Variants in CNTNAP2 observed in about 807,000 individuals in gnomAD.
CNTNAP2 encodes the protein contactin associated protein 2, also known as contactin-associated protein-like 2.
In CNTNAP2, 98 loss-of-function variants were observed where a neutral mutation model predicts 155.2. The observed-to-expected ratio is 0.63, with a 90% CI of 0.54 to 0.75. The LOEUF is 0.75. CNTNAP2 is among the 30% of genes least tolerant of loss of function. The pLI, the probability that CNTNAP2 is intolerant of heterozygous loss-of-function variation, is 0.00. For missense variants in CNTNAP2, 1,727 were observed against 1,688.1 expected (o/e 1.02, Z -0.40); for synonymous variants, 651 against 631.2 (o/e 1.03, Z -0.47).
chr7:147,555,783 T>TC (rs771504266), intron 11 of CNTNAP2, among the ~76,000 whole-genome samples: 122 of 152,312 alleles, frequency 8.0e-4, no homozygotes, highest in Admixed American at 5.4e-3. Flanking sequence ...TTTAATTGTT[T>TC]CTCTCAAAGC....
Position 146,447,600 on chromosome 7 carries a change from A to T in CNTNAP2, c.98-326671A>T, listed in dbSNP as rs7803758. Among the ~76,000 whole-genome samples the T allele has an allele frequency of 1.8e-3, 280 of 152,158 alleles. 1 individual carries two copies. The highest frequency in any genetic ancestry group is 6.3e-3 in the African/African-American group (263 of 41,562). On this transcript the variant is annotated intron_variant, in intron 1 of 23. Coordinates refer to ENST00000361727, the MANE Select transcript of CNTNAP2 (RefSeq NM_014141.6). Reference sequence around the variant, plus strand: ...ATATGCATTGTTATAAAATATGAGAATCTTGCAACTGCAAATCAGAATTGA... The same window carrying T: ...ATATGCATTGTTATAAAATATGAGATTCTTGCAACTGCAAATCAGAATTGA...
chr7:146,850,305 C>A (rs1242712497), intron 3 of CNTNAP2, among the ~76,000 whole-genome samples: 1 of 152,078 alleles, frequency 6.6e-6, no homozygotes, highest in South Asian at 2.1e-4. Flanking sequence ...TGAACTTCAC[C>A]AATATATTTT....
chr7:148,005,191 C>A (rs751220120), intron 15 of CNTNAP2, among the ~76,000 whole-genome samples: 4 of 152,112 alleles, frequency 2.6e-5, no homozygotes, highest in Non-Finnish European at 5.9e-5. Flanking sequence ...TGAGGGCACT[C>A]GTCTCGGTAG....
chr7:146,358,622 A>C (rs964935922), intron 1 of CNTNAP2, among the ~76,000 whole-genome samples: 2 of 152,214 alleles, frequency 1.3e-5, no homozygotes, highest in African/African-American at 2.4e-5. Context: ...ATAGAATTTC[A>C]ATAACAGCAA....
intron 1 of CNTNAP2, among the ~76,000 whole-genome samples, chr7:146,618,643 G>A (rs1323254559): frequency 6.6e-6 from 1 of 152,110 alleles, no homozygotes; most frequent in Non-Finnish European, 1.5e-5. Flanking sequence ...AATTATAAGA[G>A]CAGAATGTTA....
At chr7:147,158,363 A>T (rs1415236832) in intron 8 of CNTNAP2, among the ~76,000 whole-genome samples, 1 of 152,114 alleles carries the variant, frequency 6.6e-6, no homozygotes, top group Non-Finnish European at 1.5e-5. Flanking sequence ...ATAGCTGAAA[A>T]AAATTAAGTT....
At chr7:146,436,759 A>G (rs974924880) in intron 1 of CNTNAP2, among the ~76,000 whole-genome samples, 2 of 147,512 alleles carry the variant, frequency 1.4e-5, no homozygotes, top group Admixed American at 6.6e-5. Context: ...CTTAAACAGG[A>G]CAATAGCAAG....
At chr7:148,150,338 G>A (rs1805273712) in intron 17 of CNTNAP2, among the ~76,000 whole-genome samples, 1 of 151,850 alleles carries the variant, frequency 6.6e-6, no homozygotes, top group African/African-American at 2.4e-5. Flanking sequence ...CACGAGGTCA[G>A]GAGATCCTGA....
At chr7:146,868,389 T>C (rs1795244137) in intron 3 of CNTNAP2, among the ~76,000 whole-genome samples, 2 of 152,204 alleles carry the variant, frequency 1.3e-5, no homozygotes, top group South Asian at 2.1e-4. Flanking sequence ...CCTGTTTGTG[T>C]ACCATTACCA....
chr7:147,975,597 C>A (rs1216462398), intron 14 of CNTNAP2, among the ~76,000 whole-genome samples: 3 of 152,092 alleles, frequency 2.0e-5, no homozygotes, highest in Admixed American at 6.6e-5. Flanking sequence ...ATAGATCTCA[C>A]TTGTACCAAA....
chr7:147,023,214 T>C (rs1212411389), intron 3 of CNTNAP2, among the ~76,000 whole-genome samples: 2 of 152,194 alleles, frequency 1.3e-5, no homozygotes, highest in Non-Finnish European at 2.9e-5. Flanking sequence ...GAAGAGGGAT[T>C]TTCCAGTTGC....
chr7:146,897,758 A>G (rs1048754758), intron 3 of CNTNAP2, among the ~76,000 whole-genome samples: 1 of 152,056 alleles, frequency 6.6e-6, no homozygotes, highest in Non-Finnish European at 1.5e-5. Context: ...TGCAGAATCA[A>G]TTGACCATAG....
intron 13 of CNTNAP2, among the ~76,000 whole-genome samples, chr7:147,769,461 T>C (rs989154407): frequency 6.6e-6 from 1 of 152,108 alleles, no homozygotes; most frequent in Non-Finnish European, 1.5e-5. Context: ...ATGTGAACTA[T>C]AGTGAAGTGT....
intron 9 of CNTNAP2, among the ~76,000 whole-genome samples, chr7:147,341,693 T>TTTCATCTGATGA (rs529218250): frequency 1.5e-4 from 8 of 52,530 alleles, no homozygotes; most frequent in Non-Finnish European, 3.6e-4. Context: ...CATCTGATGA[T>TTTCATCTGATGA]TTTTTTTTTA....
rs1358443197 is a variant in CNTNAP2 at position 146,535,277 on chromosome 7, A to C, written c.98-238994A>C. Among the ~76,000 whole-genome samples the C allele has an allele frequency of 3.0e-4, 15 of 50,076 alleles. 1 individual carries two copies. Among genetic ancestry groups the C allele is most frequent in the Admixed American group, 1.7e-3 (6 of 3,486 alleles). 32.9% of individuals were successfully genotyped at this position (50,076 alleles called of 152,430 possible). On this transcript the variant is annotated intron_variant, in intron 1 of 23. Transcript: ENST00000361727. ...TGATATTATATCATATATATTATATATTATATTATATAATGTATATTATAT... is the reference window on the plus strand; with the variant it reads ...TGATATTATATCATATATATTATATCTTATATTATATAATGTATATTATAT...
intron 3 of CNTNAP2, among the ~76,000 whole-genome samples, chr7:146,986,122 C>G (rs1406202717): frequency 1.3e-5 from 2 of 152,032 alleles, no homozygotes; most frequent in African/African-American, 2.4e-5. Flanking sequence ...ATACACTGTA[C>G]TCAATATGTC....
At chr7:148,138,999 G>A (rs908242375) in intron 16 of CNTNAP2, among the ~76,000 whole-genome samples, 3 of 152,002 alleles carry the variant, frequency 2.0e-5, no homozygotes, top group Non-Finnish European at 4.4e-5. Context: ...TATGGCCAAT[G>A]GTATCTCCCT....
At chr7:147,402,278 T>G (rs576115168) in intron 10 of CNTNAP2, among the ~76,000 whole-genome samples, 1 of 152,148 alleles carries the variant, frequency 6.6e-6, no homozygotes, top group African/African-American at 2.4e-5. Context: ...ACCACAGGGG[T>G]GGGATCTGTC....
At chr7:146,744,210 A>G (rs1301724918) in intron 1 of CNTNAP2, among the ~76,000 whole-genome samples, 12 of 142,848 alleles carry the variant, frequency 8.4e-5, no homozygotes, top group African/African-American at 3.2e-4. Context: ...CCTGGGTGAC[A>G]AAGTGACACT....
Sources: gnomAD v4.1 joint callset for allele counts (sites outside exome capture counted in the v4.1 genomes callset) on GRCh38, gnomAD v4.1.1 for gene constraint, MANE v1.5 for transcripts, NCBI Gene and HGNC (gene_info 2026-07-23, HGNC 2026-07-21) for gene names.